NR2F1-AS1: variants seen among roughly 807,000 people sequenced by gnomAD.
NR2F1-AS1 encodes the protein NR2F1 antisense RNA 1.
intron 1 of NR2F1-AS1, among the ~76,000 whole-genome samples, chr5:93,578,162 T>A (rs1361602524): frequency 6.6e-6 from 1 of 152,166 alleles, no homozygotes; most frequent in Non-Finnish European, 1.5e-5. Context: ...AGATCCGGAT[T>A]CTGGGGCCTG....
chr5:93,508,725 AT>A (rs1751236579), intron 4 of NR2F1-AS1, among the ~76,000 whole-genome samples: 2 of 152,284 alleles, frequency 1.3e-5, no homozygotes, highest in African/African-American at 4.8e-5. Flanking sequence ...TTATAAAAAA[AT>A]GAAATAAAAA....
intron 4 of NR2F1-AS1, among the ~76,000 whole-genome samples, chr5:93,518,854 T>A (rs1324898624): frequency 6.6e-6 from 1 of 152,082 alleles, no homozygotes; most frequent in Non-Finnish European, 1.5e-5. Context: ...AGTATTATGC[T>A]CCTTCAGGCT....
chr5:93,537,086 C>T (rs1049669144), intron 4 of NR2F1-AS1, among the ~76,000 whole-genome samples: 5 of 152,100 alleles, frequency 3.3e-5, no homozygotes, highest in Non-Finnish European at 7.4e-5. Context: ...CATCAATTGC[C>T]CAGTCTCAGG....
At chr5:93,536,194 G>A (rs1024497515) in intron 4 of NR2F1-AS1, among the ~76,000 whole-genome samples, 3 of 151,916 alleles carry the variant, frequency 2.0e-5, no homozygotes, top group Non-Finnish European at 4.4e-5. Context: ...ATTTCCAATA[G>A]CTACCAAAAA....
chr5:93,547,940 T>C (rs1385837283), intron 4 of NR2F1-AS1, among the ~76,000 whole-genome samples: 1 of 152,164 alleles, frequency 6.6e-6, no homozygotes, highest in Non-Finnish European at 1.5e-5. Flanking sequence ...GCAAATGTTA[T>C]TGTCTTGCAC....
chr5:93,523,096 A>C (rs1751537027), intron 4 of NR2F1-AS1, among the ~76,000 whole-genome samples: 1 of 152,080 alleles, frequency 6.6e-6, no homozygotes, highest in African/African-American at 2.4e-5. Context: ...AGATCTACTG[A>C]CTTGAAATTG....
intron 4 of NR2F1-AS1, among the ~76,000 whole-genome samples, chr5:93,420,876 G>A (rs1196368077): frequency 6.6e-6 from 1 of 152,164 alleles, no homozygotes; most frequent in African/African-American, 2.4e-5. Flanking sequence ...GCAGAACCAA[G>A]ACCCACTTGT....
chr5:93,499,590 C>T (rs1290016578), intron 4 of NR2F1-AS1, among the ~76,000 whole-genome samples: 2 of 152,206 alleles, frequency 1.3e-5, no homozygotes, highest in East Asian at 1.9e-4. Flanking sequence ...GTTCCTCTAT[C>T]TGTTTCTCTC....
chr5:93,466,904 TGG>T (rs34396649), intron 4 of NR2F1-AS1, among the ~76,000 whole-genome samples: 393 of 15,496 alleles, frequency 0.025, 18 homozygotes, highest in African/African-American at 0.051. Flanking sequence ...ATCCCTTTTT[TGG>T]GGGGGGGGGG....
intron 1 of NR2F1-AS1, among the ~76,000 whole-genome samples, chr5:93,576,689 A>G (rs572272830): frequency 2.0e-4 from 31 of 152,322 alleles, no homozygotes; most frequent in African/African-American, 7.5e-4. Context: ...GAAACATATT[A>G]GAGCAGTCTT....
At chr5:93,581,692 CT>C (rs1395983600), upstream of NR2F1-AS1, among the ~76,000 whole-genome samples, 62 of 56,658 alleles carry the variant, frequency 1.1e-3, no homozygotes, top group Admixed American at 2.1e-3. Context: ...CTCTCTCTCT[CT>C]CTCTCTCTCT....
chr5:93,424,028 A>T (rs1173403508), intron 4 of NR2F1-AS1, among the ~76,000 whole-genome samples: 1 of 151,666 alleles, frequency 6.6e-6, no homozygotes, highest in Non-Finnish European at 1.5e-5. Flanking sequence ...GATCCCCTCC[A>T]CTCCCATTTG....
chr5:93,469,711 C>G (rs1750325951), intron 4 of NR2F1-AS1, among the ~76,000 whole-genome samples: 2 of 152,086 alleles, frequency 1.3e-5, no homozygotes, highest in Non-Finnish European at 2.9e-5. Flanking sequence ...GAACCTCTAT[C>G]TGATGCATAA....
At chr5:93,436,876 T>G (rs1749443256) in intron 4 of NR2F1-AS1, among the ~76,000 whole-genome samples, 1 of 151,736 alleles carries the variant, frequency 6.6e-6, no homozygotes, top group African/African-American at 2.4e-5. Context: ...CCTGGAGAGG[T>G]TTACACTCAA....
intron 4 of NR2F1-AS1, among the ~76,000 whole-genome samples, chr5:93,464,079 C>T (rs1750163944): frequency 6.6e-6 from 1 of 152,068 alleles, no homozygotes; most frequent in African/African-American, 2.4e-5. Context: ...GGCTGTGTCC[C>T]CACCCAAATC....
At chr5:93,480,979 A>T (rs981385476) in intron 4 of NR2F1-AS1, among the ~76,000 whole-genome samples, 8 of 152,118 alleles carry the variant, frequency 5.3e-5, no homozygotes, top group Non-Finnish European at 1.2e-4. Flanking sequence ...CATGATATAT[A>T]GAAAATAAAT....
At chr5:93,526,539 C>A (rs569677382) in intron 4 of NR2F1-AS1, among the ~76,000 whole-genome samples, 1 of 152,156 alleles carries the variant, frequency 6.6e-6, no homozygotes, top group East Asian at 1.9e-4. Flanking sequence ...AGAGACATAA[C>A]ACAAAAAGGA....
At chr5:93,578,824 G>C (rs1392452725) in intron 1 of NR2F1-AS1, among the ~76,000 whole-genome samples, 1 of 152,214 alleles carries the variant, frequency 6.6e-6, no homozygotes, top group Non-Finnish European at 1.5e-5. Context: ...CGAAAACTAT[G>C]ATCAGTTTTC....
intron 4 of NR2F1-AS1, among the ~76,000 whole-genome samples, chr5:93,486,443 C>T (rs1232519127): frequency 6.6e-6 from 1 of 151,840 alleles, no homozygotes; most frequent in Non-Finnish European, 1.5e-5. Context: ...ATACAAACTA[C>T]CATCAGAGAA....
Sources: gnomAD v4.1 joint callset for allele counts (sites outside exome capture counted in the v4.1 genomes callset) on GRCh38, gnomAD v4.1.1 for gene constraint, MANE v1.5 for transcripts, NCBI Gene and HGNC (gene_info 2026-07-23, HGNC 2026-07-21) for gene names.